Variants in ZNF234 observed in about 807,000 individuals in gnomAD.
ZNF234 encodes the protein C2-H2 type zinc finger protein.
In ZNF234, 4 loss-of-function variants were observed where a neutral mutation model predicts 10.3. The observed-to-expected ratio is 0.39, with a 90% CI of 0.19 to 0.89. ZNF234 has a LOEUF of 0.89. Among genes scored for constraint, ZNF234 ranks in the 40% least tolerant of loss-of-function variants. The pLI, the probability that ZNF234 is intolerant of heterozygous loss-of-function variation, is 0.38. For missense variants in ZNF234, 711 were observed against 836.1 expected, an observed-to-expected ratio of 0.85 and a Z score of 1.85; for synonymous variants, 258 against 280.1, an observed-to-expected ratio of 0.92 and a Z score of 0.79.
chr19:44,152,555 A>G (rs1250762996), intron 5 of ZNF234, among the ~76,000 whole-genome samples: 2 of 152,222 alleles, frequency 1.3e-5, no homozygotes, highest in East Asian at 3.9e-4. Context: ...ACTTACAAGC[A>G]TCGTGGTTGT....
Position 44,148,855 on chromosome 19 carries a change from C to T in ZNF234, c.100C>T (p.Gln34Ter). Residue 34 changes from glutamine (Q) to a stop codon, truncating the protein, a stop_gained, in exon 4 of 6, where the codon CAA becomes TAA. Transcript: ENST00000426739. LOFTEE classifies it high-confidence loss of function. ...GGACCCTGTCCAGAGGAATCTGTAC[C>T]AAGATGTGATGCTGGAGAACTTCAG... Reference protein sequence around the residue: ...LLDPVQRNLYQDVMLENFRNL... With the variant: ...LLDPVQRNLY 6.2e-7 allele frequency: 1 copy of T among 1,613,904 alleles called. No individual in the cohort carries two copies. The highest frequency in any genetic ancestry group is 1.3e-5 in the African/African-American group (1 of 75,032).
chr19:44,144,779 AC>A (rs1968551752), intron 3 of ZNF234, 132 bp downstream of exon 3: 1 of 759,590 alleles, frequency 1.3e-6, no homozygotes, highest in African/African-American at 1.8e-5. Flanking sequence ...TTTTGAGTTG[AC>A]TTTGTTTTTA....
chr19:44,158,391 A>C lies in ZNF234; in HGVS notation c.*272A>C. ...TCCTGCCTCAGTGGATTACAGGTGC[A>C]CACCACCACGCCTGGCTAATTTTTG... On this transcript the variant is annotated 3_prime_UTR_variant, in exon 6 of 6. Coordinates refer to ENST00000426739, the MANE Select transcript of ZNF234 (RefSeq NM_006630.3). 2.4e-6 allele frequency: 1 copy of C among 417,618 alleles called. No homozygotes were observed. Among genetic ancestry groups the C allele is most frequent in the Non-Finnish European group, 4.4e-6 (1 of 224,970 alleles). 25.9% of individuals were successfully genotyped at this position (417,618 alleles called of 1,614,324 possible).
In ZNF234 at chr19:44,142,302, C is replaced by A. The variant is rs1417831669; in HGVS notation, c.-130-12C>A. 2 of 152,464 alleles carry A rather than the reference C, an allele frequency of 1.3e-5. No individual in the cohort carries two copies. The highest frequency in any genetic ancestry group is 2.9e-5 in the Non-Finnish European group (2 of 68,142). 9.4% of individuals were successfully genotyped at this position (152,464 alleles called of 1,614,324 possible). A position where few individuals can be genotyped will look rare whatever the true frequency, so the allele number is the denominator to read the frequency against. On this transcript the variant is annotated splice_polypyrimidine_tract_variant and intron_variant, in intron 1 of 5. Coordinates refer to ENST00000426739, the MANE Select transcript of ZNF234 (RefSeq NM_006630.3). ...CCCAGTCAGGATGTTTCACAGCTTT[C>A]TCCTTCCCCAGCCTGAAAAAGGACT... is the stretch of plus-strand genomic sequence containing the variant.
At chr19:44,143,559 A>C (rs1968519673) in intron 2 of ZNF234, among the ~76,000 whole-genome samples, 1 of 150,926 alleles carries the variant, frequency 6.6e-6, no homozygotes, top group African/African-American at 2.4e-5. Flanking sequence ...CAGTGAGCCG[A>C]GATTGCGCCA....
Position 44,150,139 on chromosome 19 carries a change from C to T in ZNF234, c.143-274C>T, listed in dbSNP as rs557301505. 7.9e-5 allele frequency among the ~76,000 whole-genome samples: 12 copies of T among 152,276 alleles called. No individual in the cohort carries two copies. The South Asian group carries it at 2.1e-3, about 26-fold the overall frequency. Reference sequence around the variant, plus strand: ...ATGTTATATAAAAATAAGACACTAACCCATGGGTCAGGGGCTCTCCAAAGA... The same window carrying T: ...ATGTTATATAAAAATAAGACACTAATCCATGGGTCAGGGGCTCTCCAAAGA... On this transcript the variant is annotated intron_variant, in intron 4 of 5. Transcript: ENST00000426739.
chr19:44,149,421 C>T (rs1401948336), intron 4 of ZNF234, among the ~76,000 whole-genome samples: 1 of 151,998 alleles, frequency 6.6e-6, no homozygotes, highest in East Asian at 1.9e-4. Flanking sequence ...GCACTCCAGC[C>T]TGGGTGACAG....
At chr19:44,153,240 G>A (rs552032013) in intron 5 of ZNF234, among the ~76,000 whole-genome samples, 1 of 142,654 alleles carries the variant, frequency 7.0e-6, no homozygotes, top group South Asian at 2.2e-4. Flanking sequence ...AAGGTGTCAC[G>A]GTTGGAAATT....
chr19:44,157,531 C>T lies in ZNF234; in HGVS notation c.1515C>T (p.Ile505=). 1 of 1,614,104 alleles carries T rather than the reference C, an allele frequency of 6.2e-7. No individual in the cohort carries two copies. Among genetic ancestry groups the T allele is most frequent in the Non-Finnish European group, 8.5e-7 (1 of 1,180,030 alleles). The change falls in exon 6 of 6, where the codon ATC becomes ATT. Residue 505 remains isoleucine, a synonymous_variant. Transcript: ENST00000426739. The stretch of plus-strand genomic sequence containing the variant: ...CAGATCTTAAAATTCATTGTAGGAT[C>T]CACACAGGGGAGAAACCATATAATT... The part of the protein sequence containing the change: ...RRADLKIHCR[I]HTGEKPYNCE...
intron 5 of ZNF234, among the ~76,000 whole-genome samples, chr19:44,153,371 A>G (rs1222388529): frequency 2.6e-5 from 4 of 151,972 alleles, no homozygotes. Context: ...AATTAGAACA[A>G]TGAAACAAAC....
intron 3 of ZNF234, among the ~76,000 whole-genome samples, chr19:44,147,477 A>G (rs1365962120): frequency 6.6e-6 from 1 of 151,846 alleles, no homozygotes; most frequent in African/African-American, 2.4e-5. Flanking sequence ...GGCTCAAGCA[A>G]TCCTCCATCC....
chr19:44,148,679 C>T, intron 3 of ZNF234, 92 bp from the exon 4 acceptor site: 1 of 1,564,120 alleles, frequency 6.4e-7, no homozygotes, highest in Non-Finnish European at 8.8e-7. Flanking sequence ...AAATCTGGAC[C>T]AGCTCCCCCT....
At chr19:44,143,616 G>GA (rs61062157) in intron 2 of ZNF234, among the ~76,000 whole-genome samples, 43,698 of 111,820 alleles carry the variant, frequency 0.39, 7,124 homozygotes, top group Middle Eastern at 0.49. Context: ...CTCAGAAAAA[G>GA]AAAAAAAAAA....
Position 44,157,605 on chromosome 19 carries a change from A to G in ZNF234, c.1589A>G (p.His530Arg). 1 of 1,614,172 alleles carries G rather than the reference A, an allele frequency of 6.2e-7. No individual in the cohort carries two copies. The highest frequency in any genetic ancestry group is 8.5e-7 in the Non-Finnish European group (1 of 1,180,022). Residue 530 changes from histidine to arginine, a missense_variant, in exon 6 of 6, where the codon CAT becomes CGT. Transcript: ENST00000426739. ...VFSQASHLLT[H>R]QRVHSGEKPF... Reference sequence around the variant, plus strand: ...AGTCAGGCCTCGCATCTTCTAACCCATCAGAGAGTTCACAGTGGGGAAAAA... The same window carrying G: ...AGTCAGGCCTCGCATCTTCTAACCCGTCAGAGAGTTCACAGTGGGGAAAAA...
intron 5 of ZNF234, among the ~76,000 whole-genome samples, chr19:44,154,342 T>C (rs1428673555): frequency 6.6e-6 from 1 of 151,998 alleles, no homozygotes. Flanking sequence ...TAAATTACTG[T>C]CAGCTTTTAG....
chr19:44,156,787 G>A lies in ZNF234; in HGVS notation c.771G>A (p.Glu257=). 6.2e-7 allele frequency: 1 copy of A among 1,609,480 alleles called. No homozygotes were observed. Residue 257 remains glutamate, a synonymous_variant, in exon 6 of 6, where the codon GAG becomes GAA. Coordinates refer to ENST00000426739, the MANE Select transcript of ZNF234 (RefSeq NM_006630.3). The part of the protein sequence containing the change: ...LTVHCKLHSG[E]KPYNCEECGR... ...TACATTGCAAATTACACTCAGGAGAGAAACCTTACAATTGTGAGGAATGTG... is the reference window on the plus strand; with the variant it reads ...TACATTGCAAATTACACTCAGGAGAAAAACCTTACAATTGTGAGGAATGTG...
chr19:44,156,300 A>T lies in ZNF234; in HGVS notation c.284A>T (p.His95Leu), dbSNP rs774388725. Residue 95 changes from histidine (H) to leucine (L), a missense_variant, in exon 6 of 6, where the codon CAT (histidine) becomes CTT (leucine). Transcript: ENST00000426739. ...EVETVPEAGR[H>L]EELYWGQIWK... ...GAGACTGTTCCAGAAGCAGGACGAC[A>T]TGAAGAGCTTTACTGGGGGCAAATC... 1.3e-6 allele frequency: 2 copies of T among 1,592,132 alleles called. No individual in the cohort carries two copies. Among genetic ancestry groups the T allele is most frequent in the Non-Finnish European group, 1.7e-6 (2 of 1,170,992 alleles).
chr19:44,146,927 T>A (rs1200791978), intron 3 of ZNF234, among the ~76,000 whole-genome samples: 1 of 150,758 alleles, frequency 6.6e-6, no homozygotes, highest in African/African-American at 2.4e-5. Flanking sequence ...GTGATTCTTC[T>A]GCCTCAGCCT....
intron 3 of ZNF234, 22 bp downstream of exon 3, chr19:44,144,669 T>A (rs370229578): frequency 6.5e-7 from 1 of 1,534,662 alleles, no homozygotes; most frequent in Non-Finnish European, 8.8e-7. Flanking sequence ...TTGCCACTCT[T>A]GCTGTTAAAA....
Sources: gnomAD v4.1 joint callset for allele counts (sites outside exome capture counted in the v4.1 genomes callset) on GRCh38, gnomAD v4.1.1 for gene constraint, MANE v1.5 for transcripts, NCBI Gene and HGNC (gene_info 2026-07-23, HGNC 2026-07-21) for gene names.